The following RNLS variants were observed in gnomAD, a reference collection of about 807,000 sequenced individuals.
RNLS encodes renalase.
In RNLS, 39 loss-of-function variants were observed where a neutral mutation model predicts 39.8. The observed-to-expected ratio is 0.98, with a 90% CI of 0.76 to 1.28. RNLS has a LOEUF of 1.28. Ranked by LOEUF, RNLS falls within the 50% of genes most tolerant of loss-of-function variation. The pLI is 0.00. For synonymous variants in RNLS, 147 were observed against 150.7 expected (o/e 0.98, Z 0.18); for missense variants, 410 against 413.3 (o/e 0.99, Z 0.07).
At chr10:88,282,874 G>C (rs953804422), downstream of RNLS, among the ~76,000 whole-genome samples, 2 of 152,110 alleles carry the variant, frequency 1.3e-5, no homozygotes, top group African/African-American at 2.4e-5. Context: ...TCTGGCAAAG[G>C]CTATATTTAT....
the RNLS span, among the ~76,000 whole-genome samples, chr10:88,187,012 A>G: frequency 5.3e-5 from 8 of 151,376 alleles, no homozygotes; most frequent in African/African-American, 1.9e-4. Context: ...AACACTGAGC[A>G]CTCAAATCTC....
At chr10:88,282,323 C>T (rs1214383418), downstream of RNLS, among the ~76,000 whole-genome samples, 1 of 152,020 alleles carries the variant, frequency 6.6e-6, no homozygotes, top group African/African-American at 2.4e-5. Context: ...TAAATAGAAA[C>T]GGGTCATGAG....
intron 4 of RNLS, among the ~76,000 whole-genome samples, chr10:88,388,089 T>TCTA (rs1413991455): frequency 6.6e-6 from 1 of 152,184 alleles, no homozygotes; most frequent in African/African-American, 2.4e-5. Context: ...ATTCCTTCCA[T>TCTA]CTATCCTTGA....
intron 6 of RNLS, among the ~76,000 whole-genome samples, chr10:88,286,412 G>T (rs755700757): frequency 6.6e-6 from 1 of 152,086 alleles, no homozygotes; most frequent in Non-Finnish European, 1.5e-5. Flanking sequence ...TCAAAATTTG[G>T]ATGGATGATG....
chr10:88,245,653 T>G, the RNLS span, among the ~76,000 whole-genome samples: 2 of 152,226 alleles, frequency 1.3e-5, no homozygotes, highest in African/African-American at 4.8e-5. Context: ...TTTTTTTTTC[T>G]TTTCAAATAC....
the RNLS span, among the ~76,000 whole-genome samples, chr10:88,266,049 T>G: frequency 6.6e-6 from 1 of 152,208 alleles, no homozygotes; most frequent in Admixed American, 6.5e-5. Context: ...TGTAATTTCC[T>G]GGGCTTTTTT....
At chr10:88,272,578 C>T (rs560943941), downstream of RNLS, among the ~76,000 whole-genome samples, 2 of 152,240 alleles carry the variant, frequency 1.3e-5, no homozygotes, top group East Asian at 1.9e-4. Context: ...GGGCAGGAAA[C>T]GGTTTTGATC....
intron 4 of RNLS, among the ~76,000 whole-genome samples, chr10:88,493,725 T>C (rs1018813483): frequency 6.6e-6 from 1 of 152,088 alleles, no homozygotes; most frequent in African/African-American, 2.4e-5. Flanking sequence ...CTCCCTCTCT[T>C]TGCTTTTTCA....
chr10:88,257,475 C>A, the RNLS span, among the ~76,000 whole-genome samples: 7 of 152,266 alleles, frequency 4.6e-5, no homozygotes, highest in African/African-American at 1.4e-4. Flanking sequence ...GGTTGATGGG[C>A]AGCTGGCTAG....
At chr10:88,524,263 T>C (rs1451283029) in intron 4 of RNLS, among the ~76,000 whole-genome samples, 2 of 152,124 alleles carry the variant, frequency 1.3e-5, no homozygotes, top group African/African-American at 2.4e-5. Context: ...CCAACCTCAA[T>C]TGGTCAGCTT....
At chr10:88,191,304 G>A in the RNLS span, among the ~76,000 whole-genome samples, 1 of 152,252 alleles carries the variant, frequency 6.6e-6, no homozygotes, top group East Asian at 1.9e-4. Flanking sequence ...AGGAATTACA[G>A]CCTGTACTGT....
chr10:88,494,650 A>AATATT (rs1253068152), intron 4 of RNLS, among the ~76,000 whole-genome samples: 1 of 152,108 alleles, frequency 6.6e-6, no homozygotes, highest in Admixed American at 6.6e-5. Flanking sequence ...TTCAAGGAGT[A>AATATT]ATATTACCAG....
Position 88,362,609 on chromosome 10 carries a change from T to C in RNLS, c.643A>G (p.Ile215Val), listed in dbSNP as rs1849729883. Residue 215 changes from isoleucine to valine, a missense_variant, in exon 5 of 7, where the codon ATC becomes GTC. By Grantham distance (29) the Ile-to-Val change is conservative. Coordinates refer to ENST00000331772, the MANE Select transcript of RNLS (RefSeq NM_001031709.3). ...AAGCGTATGCAGGGATTACTGGTGA[T>C]GTACTGCCCAGCCCAAGGGACATCA... Reference protein sequence around the residue: ...KIDVPWAGQYITSNPCIRFVS... With the variant: ...KIDVPWAGQYVTSNPCIRFVS... The C allele has an allele frequency of 6.2e-7, 1 of 1,613,944 alleles. No homozygotes were observed. Among genetic ancestry groups the C allele is most frequent in the South Asian group, 1.1e-5 (1 of 91,076 alleles).
At chr10:88,315,223 TA>T (rs1845671227) in intron 5 of RNLS, among the ~76,000 whole-genome samples, 1 of 152,198 alleles carries the variant, frequency 6.6e-6, no homozygotes, top group Non-Finnish European at 1.5e-5. Context: ...GCATTAAAAA[TA>T]AAAGTCTGTC....
chr10:88,509,722 A>C (rs1342450536), intron 4 of RNLS, among the ~76,000 whole-genome samples: 1 of 148,302 alleles, frequency 6.7e-6, no homozygotes, highest in African/African-American at 2.5e-5. Flanking sequence ...CATAATAAAA[A>C]GGTGGGTGGG....
chr10:88,360,991 C>A (rs963853604), intron 5 of RNLS, among the ~76,000 whole-genome samples: 1 of 152,186 alleles, frequency 6.6e-6, no homozygotes, highest in Admixed American at 6.5e-5. Context: ...ACTTAAACAA[C>A]AGAAATTTCT....
chr10:88,439,158 AAACTC>A (rs759617237), intron 4 of RNLS, among the ~76,000 whole-genome samples: 12 of 152,276 alleles, frequency 7.9e-5, no homozygotes, highest in East Asian at 5.8e-4. Flanking sequence ...GCACAACACT[AAACTC>A]AAGACTCTTT....
At chr10:88,198,292 G>A in the RNLS span, among the ~76,000 whole-genome samples, 1 of 152,208 alleles carries the variant, frequency 6.6e-6, no homozygotes, top group Admixed American at 6.5e-5. Flanking sequence ...CATTTCAGAG[G>A]TGGAGAGAGG....
chr10:88,409,656 G>C (rs1167169169), intron 4 of RNLS, among the ~76,000 whole-genome samples: 1 of 152,092 alleles, frequency 6.6e-6, no homozygotes, highest in Admixed American at 6.6e-5. Context: ...CTCATAAAAT[G>C]CCAGTCATTA....
Sources: allele counts gnomAD v4.1 joint callset (sites outside exome capture counted in the v4.1 genomes callset), GRCh38; gene constraint gnomAD v4.1.1; transcripts MANE v1.5; gene names NCBI Gene and HGNC (gene_info 2026-07-23, HGNC 2026-07-21).